Variants in FARSB observed in about 807,000 individuals in gnomAD.
FARSB encodes the protein phenylalanine--tRNA ligase beta subunit.
Under a neutral mutation model 69.6 loss-of-function variants are expected in FARSB, and 40 were observed. The ratio of observed to expected loss-of-function variants is 0.57; its 90% CI spans 0.45 to 0.75. The LOEUF is 0.75. FARSB is among the 30% of genes least tolerant of loss of function. The pLI, the probability that FARSB is intolerant of heterozygous loss-of-function variation, is 0.00. For synonymous variants in FARSB, 235 were observed against 247.2 expected (o/e 0.95, Z 0.46); for missense variants, 632 against 722.9 (o/e 0.87, Z 1.44).
intron 5 of FARSB, among the ~76,000 whole-genome samples, chr2:222,636,079 CAA>C (rs1466735572): frequency 2.6e-4 from 22 of 83,226 alleles, no homozygotes; most frequent in Admixed American, 1.4e-4. Context: ...GACTCTGTCT[CAA>C]AAAAAAAAAA....
chr2:222,580,537 T>C (rs1689940335), intron 16 of FARSB, among the ~76,000 whole-genome samples: 1 of 151,662 alleles, frequency 6.6e-6, no homozygotes, highest in South Asian at 2.1e-4. Context: ...AGAAAATGAA[T>C]CATTGTATAG....
chr2:222,633,406 G>A, intron 6 of FARSB, 99 bp from the exon 7 acceptor site: 1 of 591,850 alleles, frequency 1.7e-6, no homozygotes, highest in Admixed American at 3.4e-5. Context: ...GAGAACGCCA[G>A]GTGTGGTGGC....
At position 222,641,821 on chromosome 2, in the gene FARSB, T is replaced by G. The variant is rs550737541; in HGVS notation, c.270-890A>C. 3.3e-5 allele frequency among the ~76,000 whole-genome samples: 5 copies of G among 152,318 alleles called. No homozygotes were observed. In the East Asian group the frequency reaches 9.7e-4, roughly 29 times the overall value. On this transcript the variant is annotated intron_variant, in intron 3 of 16. Coordinates refer to ENST00000281828, the MANE Select transcript of FARSB (RefSeq NM_005687.5). Reference sequence around the variant, plus strand: ...TTTTAACCATCCTTAACCTAATGCCTAATTATCACCATTTCACCAATACCC... The same window carrying G: ...TTTTAACCATCCTTAACCTAATGCCGAATTATCACCATTTCACCAATACCC...
At chr2:222,596,777 TG>T (rs1423145213) in intron 16 of FARSB, among the ~76,000 whole-genome samples, 1 of 152,122 alleles carries the variant, frequency 6.6e-6, no homozygotes, top group Non-Finnish European at 1.5e-5. Context: ...GTTCCTTAGT[TG>T]TGGTATGTAT....
intron 10 of FARSB, among the ~76,000 whole-genome samples, chr2:222,626,262 A>AG (rs1349802388): frequency 1.3e-5 from 2 of 151,328 alleles, no homozygotes; most frequent in African/African-American, 4.8e-5. Flanking sequence ...AAAAAAAAAA[A>AG]AAAGAAGTAA....
intron 16 of FARSB, among the ~76,000 whole-genome samples, chr2:222,575,910 CAAAG>C (rs2106175180): frequency 6.6e-6 from 1 of 152,114 alleles, no homozygotes; most frequent in African/African-American, 2.4e-5. Flanking sequence ...AATTGACCAT[CAAAG>C]AGTTTGTAAG....
intron 12 of FARSB, 125 bp from the exon 13 acceptor site, chr2:222,623,855 T>A: frequency 1.5e-6 from 1 of 664,308 alleles, no homozygotes; most frequent in Non-Finnish European, 2.7e-6. Flanking sequence ...AAAAACCTTT[T>A]CACCCTTACT....
At chr2:222,614,678 CCA>C (rs1430877898) in intron 14 of FARSB, among the ~76,000 whole-genome samples, 1 of 152,104 alleles carries the variant, frequency 6.6e-6, no homozygotes, top group African/African-American at 2.4e-5. Flanking sequence ...AACACCACCT[CCA>C]CAGATTTAAA....
At chr2:222,593,817 G>A (rs539364503) in intron 16 of FARSB, among the ~76,000 whole-genome samples, 6 of 152,022 alleles carry the variant, frequency 3.9e-5, no homozygotes, top group East Asian at 3.9e-4. Flanking sequence ...TGGTGATGGC[G>A]CTACTGCACT....
At chr2:222,575,708 G>T (rs1689823420) in intron 16 of FARSB, among the ~76,000 whole-genome samples, 1 of 152,168 alleles carries the variant, frequency 6.6e-6, no homozygotes, top group African/African-American at 2.4e-5. Flanking sequence ...CATCAGGTAA[G>T]CACAAAAAAG....
At chr2:222,593,260 GC>G (rs1052238950) in intron 16 of FARSB, among the ~76,000 whole-genome samples, 1 of 152,132 alleles carries the variant, frequency 6.6e-6, no homozygotes, top group African/African-American at 2.4e-5. Context: ...CCAAAGCTGA[GC>G]CCTACTTGAC....
rs192198670 is a variant in FARSB at position 222,614,286 on chromosome 2, A to G, written c.1345-358T>C. ...TTTCTTTTTTTAGAGACACAGTCTC[A>G]CTGTTTTGCACAGGATGGAGTGCAA... is the stretch of plus-strand genomic sequence containing the variant. On this transcript the variant is annotated intron_variant, in intron 14 of 16. Transcript: ENST00000281828. Among the ~76,000 whole-genome samples the G allele has an allele frequency of 1.5e-3, 221 of 152,240 alleles. 1 individual carries two copies. The highest frequency in any genetic ancestry group is 0.013 in the Admixed American group (193 of 15,288).
intron 16 of FARSB, among the ~76,000 whole-genome samples, chr2:222,585,719 C>T (rs748922718): frequency 3.3e-5 from 5 of 152,112 alleles, no homozygotes; most frequent in Non-Finnish European, 5.9e-5. Flanking sequence ...AACTATGTGA[C>T]GCATGCACAA....
intron 5 of FARSB, among the ~76,000 whole-genome samples, chr2:222,635,202 C>T (rs956186797): frequency 6.6e-5 from 10 of 151,994 alleles, no homozygotes; most frequent in East Asian, 3.9e-4. Flanking sequence ...GATGTAAAAC[C>T]GAGCCAGGAA....
At chr2:222,615,210 G>T (rs138763611) in intron 14 of FARSB, among the ~76,000 whole-genome samples, 1 of 152,190 alleles carries the variant, frequency 6.6e-6, no homozygotes, top group Non-Finnish European at 1.5e-5. Context: ...AAGCAGTGGT[G>T]TAACATTATT....
At chr2:222,646,527 G>A (rs902569589) in intron 2 of FARSB, among the ~76,000 whole-genome samples, 7 of 152,152 alleles carry the variant, frequency 4.6e-5, no homozygotes, top group Non-Finnish European at 8.8e-5. Context: ...AATAAAAAAG[G>A]TTTAGGGAAT....
chr2:222,651,492 G>GAT (rs1327550521), intron 1 of FARSB, among the ~76,000 whole-genome samples: 4 of 152,244 alleles, frequency 2.6e-5, no homozygotes, highest in Non-Finnish European at 5.9e-5. Flanking sequence ...TAAAATCAAG[G>GAT]ATATGACCAT....
chr2:222,646,671 T>C (rs1315838847), intron 2 of FARSB, among the ~76,000 whole-genome samples: 2 of 152,238 alleles, frequency 1.3e-5, no homozygotes, highest in African/African-American at 4.8e-5. Context: ...TTTGTTAGGC[T>C]TTCATTTAGT....
In FARSB at chr2:222,632,885, T is replaced by C. The variant is rs181748905; in HGVS notation, c.715+314A>G. On this transcript the variant is annotated intron_variant, in intron 7 of 16. Coordinates refer to ENST00000281828, the MANE Select transcript of FARSB (RefSeq NM_005687.5). ...AAAAAAACTACAGACATGACAGAGT[T>C]TGACTTTGAGTTTAACCAAGTGAAT... is the stretch of plus-strand genomic sequence containing the variant. 4.1e-4 allele frequency among the ~76,000 whole-genome samples: 61 copies of C among 150,552 alleles called. 1 individual carries two copies. In the East Asian group the frequency reaches 0.01, roughly 25 times the overall value.
Sources: allele counts gnomAD v4.1 joint callset (sites outside exome capture counted in the v4.1 genomes callset), GRCh38; gene constraint gnomAD v4.1.1; transcripts MANE v1.5; gene names NCBI Gene and HGNC (gene_info 2026-07-23, HGNC 2026-07-21).